SNX24: variants seen among roughly 807,000 people sequenced by gnomAD.
SNX24 encodes sorting nexin 24.
SNX24 carries 22 observed loss-of-function variants against 28.7 expected under a neutral mutation model. The ratio of observed to expected loss-of-function variants is 0.77; its 90% CI spans 0.55 to 1.10. SNX24 has a LOEUF of 1.10. Ranked by LOEUF, SNX24 falls within the 50% of genes least tolerant of loss-of-function variation. The pLI, the probability that SNX24 is intolerant of heterozygous loss-of-function variation, is 0.00. For missense variants in SNX24, 221 were observed against 201.1 expected, an observed-to-expected ratio of 1.10 and a Z score of -0.60; for synonymous variants, 69 against 71.5, an observed-to-expected ratio of 0.96 and a Z score of 0.18.
chr5:122,925,546 G>A (rs1430510066), intron 1 of SNX24, among the ~76,000 whole-genome samples: 1 of 152,006 alleles, frequency 6.6e-6, no homozygotes, highest in Admixed American at 6.6e-5. Context: ...TTAGAGATGT[G>A]AGCCACTGTG....
intron 5 of SNX24, chr5:123,023,577 GA>G (rs942504488): frequency 3.0e-5 from 6 of 197,330 alleles, no homozygotes; most frequent in East Asian, 1.2e-4. Context: ...AATGAATTCA[GA>G]AAAAAAATAT....
chr5:122,945,385 A>G (rs1759638174), intron 2 of SNX24, among the ~76,000 whole-genome samples: 1 of 152,218 alleles, frequency 6.6e-6, no homozygotes, highest in Non-Finnish European at 1.5e-5. Context: ...TTTTTGAGAA[A>G]GGAGGATTAT....
intron 6 of SNX24, among the ~76,000 whole-genome samples, chr5:123,007,099 T>G (rs1762445480): frequency 6.6e-6 from 1 of 152,188 alleles, no homozygotes; most frequent in Admixed American, 6.5e-5. Flanking sequence ...TGGCCTCCCT[T>G]CCTGTCTCCT....
intron 4 of SNX24, 49 bp downstream of exon 4, chr5:123,000,055 A>G (rs754579017): frequency 3.5e-5 from 42 of 1,213,576 alleles, no homozygotes; most frequent in Middle Eastern, 1.9e-4. Flanking sequence ...TTACTCTTCA[A>G]TGACCAATTG....
Position 122,898,846 on chromosome 5 carries a change from A to G in SNX24, c.61-37888A>G, listed in dbSNP as rs184948172. Among the ~76,000 whole-genome samples the G allele has an allele frequency of 3.3e-4, 50 of 152,320 alleles. No individual in the cohort carries two copies. In the East Asian group the frequency reaches 8.1e-3, roughly 25 times the overall value. On this transcript the variant is annotated intron_variant, in intron 1 of 6. Transcript: ENST00000261369. ...CCAGAATTGAGAATCAATGGTCTAC[A>G]TGGCTTCTTATTCCTAAGCCGGCAG...
intron 5 of SNX24, chr5:123,028,713 A>G: frequency 7.4e-7 from 1 of 1,357,726 alleles, no homozygotes; most frequent in Non-Finnish European, 1.0e-6. Context: ...CTGGGTTCAT[A>G]TACTGGCTTA....
chr5:122,975,523 C>T (rs774810326), intron 3 of SNX24, among the ~76,000 whole-genome samples: 2 of 152,008 alleles, frequency 1.3e-5, no homozygotes, highest in East Asian at 3.9e-4. Flanking sequence ...TGAAATTAAG[C>T]GGCATAAAAA....
At chr5:122,994,054 A>G (rs1453085242) in intron 3 of SNX24, among the ~76,000 whole-genome samples, 12 of 151,666 alleles carry the variant, frequency 7.9e-5, no homozygotes, top group African/African-American at 2.2e-4. Context: ...GTGTGTGTGT[A>G]TGTGTGTGTG....
intron 5 of SNX24, 83 bp from the exon 6 acceptor site, chr5:123,001,857 T>C (rs1456981912): frequency 1.7e-6 from 2 of 1,148,828 alleles, no homozygotes; most frequent in East Asian, 4.7e-5. Context: ...GCACAGCAGT[T>C]TGATCCCCTC....
intron 1 of SNX24, among the ~76,000 whole-genome samples, chr5:122,892,531 C>T (rs1757016934): frequency 2.0e-5 from 3 of 151,744 alleles, no homozygotes; most frequent in Admixed American, 6.6e-5. Context: ...CTTCTGCCTC[C>T]CAAGTTCAAG....
intron 3 of SNX24, chr5:122,965,632 A>T: frequency 3.5e-6 from 1 of 286,684 alleles, no homozygotes; most frequent in Non-Finnish European, 7.2e-6. Context: ...GGGATGGCTC[A>T]CATTTCTCAT....
At chr5:122,899,746 ATTTGACTCTTT>A (rs1757351499) in intron 1 of SNX24, among the ~76,000 whole-genome samples, 1 of 152,176 alleles carries the variant, frequency 6.6e-6, no homozygotes, top group South Asian at 2.1e-4. Context: ...TCAGCACTTA[ATTTGACTCTTT>A]GCTAGATGCT....
At chr5:123,016,172 G>A (rs530785164) in intron 5 of SNX24, among the ~76,000 whole-genome samples, 5 of 152,282 alleles carry the variant, frequency 3.3e-5, no homozygotes, top group African/African-American at 7.2e-5. Context: ...TTGAACAATT[G>A]TAATTATAAA....
At chr5:122,857,116 A>G (rs1475457120) in intron 1 of SNX24, among the ~76,000 whole-genome samples, 3 of 151,934 alleles carry the variant, frequency 2.0e-5, no homozygotes, top group South Asian at 2.1e-4. Flanking sequence ...GGTTCAAGCA[A>G]TGCTCCCGCC....
intron 3 of SNX24, among the ~76,000 whole-genome samples, chr5:122,992,306 A>T (rs1761887827): frequency 6.6e-6 from 1 of 152,152 alleles, no homozygotes; most frequent in African/African-American, 2.4e-5. Flanking sequence ...AGATTGTGTC[A>T]TGTACAGTGA....
intron 6 of SNX24, among the ~76,000 whole-genome samples, chr5:123,002,800 C>G (rs1272507296): frequency 6.6e-6 from 1 of 152,206 alleles, no homozygotes; most frequent in Admixed American, 6.5e-5. Context: ...AATTTAAATT[C>G]ATCAGAGTCC....
At chr5:122,924,905 C>T (rs184883673) in intron 1 of SNX24, among the ~76,000 whole-genome samples, 1 of 152,154 alleles carries the variant, frequency 6.6e-6, no homozygotes, top group Admixed American at 6.5e-5. Flanking sequence ...CAGAATAGCA[C>T]TAATTATTAA....
chr5:122,977,787 A>G (rs1430039969), intron 3 of SNX24, among the ~76,000 whole-genome samples: 1 of 152,232 alleles, frequency 6.6e-6, no homozygotes, highest in Non-Finnish European at 1.5e-5. Flanking sequence ...TTCTAAGATT[A>G]TGATTTTAAA....
At chr5:122,913,658 T>A (rs1046727574) in intron 1 of SNX24, among the ~76,000 whole-genome samples, 2 of 151,668 alleles carry the variant, frequency 1.3e-5, no homozygotes, top group Non-Finnish European at 2.9e-5. Context: ...TCTCCTTACT[T>A]CTCAGACGGG....
Sources: allele counts gnomAD v4.1 joint callset (sites outside exome capture counted in the v4.1 genomes callset), GRCh38; gene constraint gnomAD v4.1.1; transcripts MANE v1.5; gene names NCBI Gene and HGNC (gene_info 2026-07-23, HGNC 2026-07-21).